Variants in DLGAP2 observed in about 807,000 individuals in gnomAD.
DLGAP2 encodes DLG associated protein 2.
In DLGAP2, 26 loss-of-function variants were observed where a neutral mutation model predicts 100.3. That is an observed-to-expected ratio of 0.26 (90% CI 0.19 to 0.36). The LOEUF is 0.36. Among genes scored for constraint, DLGAP2 ranks in the 10% least tolerant of loss-of-function variants. The pLI, the probability that DLGAP2 is intolerant of heterozygous loss-of-function variation, is 1.00. For missense variants in DLGAP2, 1,858 were observed against 1,453.2 expected (o/e 1.28, Z -4.53); for synonymous variants, 886 against 630.1 (o/e 1.41, Z -6.08).
rs1220492278 is a variant in DLGAP2, at chr8:1,282,385, G to C, written c.106+23502G>C. Reference sequence around the variant, plus strand: ...GTGTGACCTGAACCCAGCACCTGAAGCATCCAGACGTGGTGTGACCTGAAC... The same window carrying C: ...GTGTGACCTGAACCCAGCACCTGAACCATCCAGACGTGGTGTGACCTGAAC... On this transcript the variant is annotated intron_variant, in intron 3 of 14. Coordinates refer to ENST00000637795, the MANE Select transcript of DLGAP2 (RefSeq NM_001346810.2). Among the ~76,000 whole-genome samples the C allele has an allele frequency of 2.2e-3, 172 of 79,662 alleles. 3 individuals carry two copies. Among genetic ancestry groups the C allele is most frequent in the African/African-American group, 7.4e-3 (134 of 18,048 alleles). The allele number at this position is 79,662 out of a possible 152,430, so 52.3% of individuals were successfully genotyped here.
intron 8 of DLGAP2, 57 bp downstream of exon 8, chr8:1,633,103 C>A: frequency 6.4e-7 from 1 of 1,571,660 alleles, no homozygotes. Flanking sequence ...TACCTGTCTT[C>A]ATCCTAGAAG....
At chr8:756,245 T>G (rs979254327) in intron 1 of DLGAP2, among the ~76,000 whole-genome samples, 3 of 151,726 alleles carry the variant, frequency 2.0e-5, no homozygotes, top group African/African-American at 7.3e-5. Flanking sequence ...CGGGAGAAGG[T>G]GATGGGCTCA....
intron 6 of DLGAP2, among the ~76,000 whole-genome samples, chr8:1,593,757 T>C (rs1796361783): frequency 6.6e-6 from 1 of 152,180 alleles, no homozygotes; most frequent in Non-Finnish European, 1.5e-5. Flanking sequence ...CCACTCTGGT[T>C]GCCTGGGGGA....
At chr8:1,390,654 C>A (rs1434383778) in intron 3 of DLGAP2, among the ~76,000 whole-genome samples, 1 of 152,158 alleles carries the variant, frequency 6.6e-6, no homozygotes. Context: ...CCTCTCACCT[C>A]CATTGAGCCG....
Position 833,612 on chromosome 8 carries a change from C to G in DLGAP2, c.19-74300C>G, listed in dbSNP as rs1037132161. ...GGCCATGGCTAGTCCAGGATCACCC[C>G]TGTCTCATCTCAGGACCCTCGGCTT... On this transcript the variant is annotated intron_variant, in intron 1 of 14. Transcript: ENST00000637795. Among the ~76,000 whole-genome samples the G allele has an allele frequency of 4.6e-5, 7 of 152,222 alleles. 1 individual carries two copies. The highest frequency in any genetic ancestry group is 4.6e-4 in the Admixed American group (7 of 15,284).
intron 3 of DLGAP2, among the ~76,000 whole-genome samples, chr8:1,449,096 C>T (rs891444737): frequency 1.3e-5 from 2 of 152,224 alleles, no homozygotes; most frequent in African/African-American, 4.8e-5. Flanking sequence ...TCGTGCCTGT[C>T]ATCCCGGCCT....
chr8:1,198,672 C>G (rs146983147), intron 2 of DLGAP2, among the ~76,000 whole-genome samples: 1 of 152,166 alleles, frequency 6.6e-6, no homozygotes, highest in Non-Finnish European at 1.5e-5. Flanking sequence ...CCAGCTCCAC[C>G]CCATGTCCAT....
In DLGAP2 at chr8:1,549,266, C is replaced by G; in HGVS notation, c.813C>G (p.His271Gln). ...GRADDHHHAH[H>Q]AKHSKRSKSK... is the part of the protein sequence containing the mutation. ...CGGACGACCACCACCACGCCCACCA[C>G]GCCAAGCACAGCAAGAGGAGCAAGA... Residue 271 changes from histidine (H) to glutamine (Q), a missense_variant, in exon 5 of 15, where the codon CAC (histidine) becomes CAG (glutamine). By Grantham distance (24) the His-to-Gln change is conservative. Coordinates refer to ENST00000637795, the MANE Select transcript of DLGAP2 (RefSeq NM_001346810.2). 6.2e-7 allele frequency: 1 copy of G among 1,611,156 alleles called. No individual in the cohort carries two copies. Among genetic ancestry groups the G allele is most frequent in the South Asian group, 1.1e-5 (1 of 90,970 alleles).
At chr8:1,432,878 G>A (rs73672704) in intron 3 of DLGAP2, among the ~76,000 whole-genome samples, 1 of 152,202 alleles carries the variant, frequency 6.6e-6, no homozygotes, top group Non-Finnish European at 1.5e-5. Context: ...GACTGGCCGA[G>A]CTGGGGGCGT....
At chr8:1,033,925 A>C (rs13251001) in intron 2 of DLGAP2, among the ~76,000 whole-genome samples, 5 of 18,704 alleles carry the variant, frequency 2.7e-4, no homozygotes, top group Non-Finnish European at 2.2e-4. Context: ...TCCCGACCCC[A>C]TGTGTCACCG....
At chr8:889,271 G>A (rs1797987212) in intron 1 of DLGAP2, among the ~76,000 whole-genome samples, 2 of 152,170 alleles carry the variant, frequency 1.3e-5, no homozygotes, top group Admixed American at 6.5e-5. Context: ...GCTTAGCTTG[G>A]GCTCAGAGGC....
At chr8:1,445,531 A>G (rs1797962288) in intron 3 of DLGAP2, among the ~76,000 whole-genome samples, 3 of 151,968 alleles carry the variant, frequency 2.0e-5, no homozygotes, top group Non-Finnish European at 4.4e-5. Context: ...GCTATTGTGA[A>G]TAGTGCCGCA....
At chr8:1,506,877 T>G (rs1405570309) in intron 4 of DLGAP2, among the ~76,000 whole-genome samples, 1 of 152,182 alleles carries the variant, frequency 6.6e-6, no homozygotes, top group African/African-American at 2.4e-5. Flanking sequence ...TTGGTGCATT[T>G]ACAAACCTTG....
intron 4 of DLGAP2, among the ~76,000 whole-genome samples, chr8:1,507,681 C>G (rs1057382099): frequency 1.3e-5 from 2 of 152,084 alleles, no homozygotes; most frequent in Non-Finnish European, 2.9e-5. Context: ...CAGTGATGTG[C>G]TGAGCTTCTG....
intron 2 of DLGAP2, among the ~76,000 whole-genome samples, chr8:977,483 C>A (rs866570022): frequency 6.6e-6 from 1 of 152,216 alleles, no homozygotes; most frequent in African/African-American, 2.4e-5. Context: ...AGCAAAATAT[C>A]TTTCTCCAGT....
At chr8:1,060,562 C>A (rs1191312038) in intron 2 of DLGAP2, among the ~76,000 whole-genome samples, 1 of 152,210 alleles carries the variant, frequency 6.6e-6, no homozygotes, top group African/African-American at 2.4e-5. Context: ...GATTTAGGGC[C>A]TGCTCTAATC....
chr8:1,339,051 T>C (rs1801358086), intron 3 of DLGAP2, among the ~76,000 whole-genome samples: 1 of 151,534 alleles, frequency 6.6e-6, no homozygotes, highest in Non-Finnish European at 1.5e-5. Flanking sequence ...GGGAATGCAG[T>C]GACCTCAGTG....
chr8:1,325,218 A>C (rs543860117), intron 3 of DLGAP2, among the ~76,000 whole-genome samples: 1 of 152,178 alleles, frequency 6.6e-6, no homozygotes, highest in Non-Finnish European at 1.5e-5. Context: ...GAGATGTTCA[A>C]TGTCGCAATG....
intron 3 of DLGAP2, among the ~76,000 whole-genome samples, chr8:1,259,213 G>A (rs745689915): frequency 4.6e-5 from 7 of 152,164 alleles, no homozygotes; most frequent in Non-Finnish European, 1.0e-4. Flanking sequence ...AAGTGCATTC[G>A]CCCAAGGTGC....
Sources: gnomAD v4.1 joint callset for allele counts (sites outside exome capture counted in the v4.1 genomes callset) on GRCh38, gnomAD v4.1.1 for gene constraint, MANE v1.5 for transcripts, NCBI Gene and HGNC (gene_info 2026-07-23, HGNC 2026-07-21) for gene names.